The following ZNF831 variants were observed in gnomAD, a reference collection of about 807,000 sequenced individuals.
ZNF831 encodes chromosome 20 open reading frame 174.
Under a neutral mutation model 95.8 loss-of-function variants are expected in ZNF831, and 59 were observed. The ratio of observed to expected loss-of-function variants is 0.62; its 90% CI spans 0.50 to 0.77. ZNF831 has a LOEUF of 0.77. Among genes scored for constraint, ZNF831 ranks in the 30% least tolerant of loss-of-function variants. The pLI, the probability that ZNF831 is intolerant of heterozygous loss-of-function variation, is 0.00. For missense variants in ZNF831, 2,205 were observed against 2,164.0 expected (o/e 1.02, Z -0.38); for synonymous variants, 961 against 925.5 (o/e 1.04, Z -0.70).
At chr20:59,226,013 G>C (rs1986404976) in intron 4 of ZNF831, among the ~76,000 whole-genome samples, 1 of 152,172 alleles carries the variant, frequency 6.6e-6, no homozygotes, top group African/African-American at 2.4e-5. Flanking sequence ...CTAGGCACAT[G>C]GTGGCCTCAT....
chr20:59,237,159 G>T (rs1987042004), intron 4 of ZNF831, among the ~76,000 whole-genome samples: 1 of 152,184 alleles, frequency 6.6e-6, no homozygotes, highest in Non-Finnish European at 1.5e-5. Context: ...TTCCTAGTTA[G>T]GGGGCCATTT....
At chr20:59,154,991 G>A (rs1980456184) in intron 2 of ZNF831, among the ~76,000 whole-genome samples, 1 of 152,182 alleles carries the variant, frequency 6.6e-6, no homozygotes, top group African/African-American at 2.4e-5. Context: ...TCAGTCCCAT[G>A]ACGGCAAGGG....
intron 4 of ZNF831, among the ~76,000 whole-genome samples, chr20:59,229,495 A>T (rs1184724077): frequency 6.6e-6 from 1 of 152,220 alleles, no homozygotes; most frequent in African/African-American, 2.4e-5. Context: ...TGCATAGGGC[A>T]TGAATACGGG....
chr20:59,253,877 T>TTC, intron 5 of ZNF831, 21 bp from the exon 6 acceptor site: 2 of 979,646 alleles, frequency 2.0e-6, no homozygotes, highest in South Asian at 2.1e-5. Context: ...CACTTTTTTT[T>TTC]TCCTTTGCAC....
rs758152603 is a variant in ZNF831 at position 59,194,439 on chromosome 20, T to A, written c.3420T>A (p.Pro1140=). ...PGSFLTALTR[P]QGVPPGWPEL... is the part of the protein sequence containing the mutation. ...CCTTCCTCACTGCCCTCACTCGGCC[T>A]CAGGGTGTGCCCCCAGGCTGGCCAG... The change falls in exon 2 of 6, where the codon CCT becomes CCA. Residue 1140 remains proline (P), a synonymous_variant. Transcript: ENST00000371030. 1 of 1,612,884 alleles carries A rather than the reference T, an allele frequency of 6.2e-7. No homozygotes were observed. Among genetic ancestry groups the A allele is most frequent in the Non-Finnish European group, 8.5e-7 (1 of 1,179,690 alleles).
rs184433044 is a variant in ZNF831 at position 59,124,239 on chromosome 20, G to A, written c.-1425+734G>A. On this transcript the variant is annotated intron_variant, in intron 1 of 7. Transcript: ENST00000637017. ...TTGTGTTCTATGACTCTAGCCTCTA[G>A]GGTCATTCCTCAGGCCCCATTGCCA... is the stretch of plus-strand genomic sequence containing the variant. 4.4e-3 allele frequency among the ~76,000 whole-genome samples: 676 copies of A among 152,222 alleles called. 5 individuals are homozygous for A. The highest frequency in any genetic ancestry group is 7.5e-3 in the Non-Finnish European group (511 of 68,008).
chr20:59,186,951 A>G (rs1326117429), intron 1 of ZNF831, among the ~76,000 whole-genome samples: 1 of 152,038 alleles, frequency 6.6e-6, no homozygotes, highest in African/African-American at 2.4e-5. Flanking sequence ...TGAAAAAAAA[A>G]AAAAAGGACT....
intron 1 of ZNF831, among the ~76,000 whole-genome samples, chr20:59,171,596 G>A (rs1981743509): frequency 6.6e-6 from 1 of 152,204 alleles, no homozygotes; most frequent in Admixed American, 6.5e-5. Flanking sequence ...ATTCAGTCAA[G>A]CTCTCACTGA....
At chr20:59,151,068 A>C (rs80271186) in intron 2 of ZNF831, among the ~76,000 whole-genome samples, 13,936 of 152,228 alleles carry the variant, frequency 0.092, 750 homozygotes, top group Non-Finnish European at 0.12. Context: ...TACCGGGCTG[A>C]TAGCGGCTGG....
chr20:59,236,636 T>A, intron 4 of ZNF831, among the ~76,000 whole-genome samples: 1 of 150,844 alleles, frequency 6.6e-6, no homozygotes, highest in East Asian at 2.0e-4. Flanking sequence ...GCTCAAGTGA[T>A]CCCCCTTCCC....
At chr20:59,163,229 A>G (rs949273889), upstream of ZNF831, among the ~76,000 whole-genome samples, 1 of 152,204 alleles carries the variant, frequency 6.6e-6, no homozygotes, top group African/African-American at 2.4e-5. Context: ...ATAGAATCAT[A>G]TCATCAGTGA....
At chr20:59,194,784 C>CG in intron 2 of ZNF831, 27 bp downstream of exon 2, 1 of 1,528,648 alleles carries the variant, frequency 6.5e-7, no homozygotes, top group Non-Finnish European at 8.8e-7. Flanking sequence ...CCCCAGGGCC[C>CG]GGGGTTGAGA....
intron 1 of ZNF831, among the ~76,000 whole-genome samples, chr20:59,170,567 A>C (rs904550561): frequency 6.6e-6 from 1 of 152,200 alleles, no homozygotes; most frequent in Admixed American, 6.5e-5. Flanking sequence ...GTCTATCTTG[A>C]TGTAGCAGTC....
chr20:59,231,229 C>T (rs1330351148), intron 4 of ZNF831, among the ~76,000 whole-genome samples: 1 of 152,194 alleles, frequency 6.6e-6, no homozygotes, highest in Non-Finnish European at 1.5e-5. Flanking sequence ...TTCAGCAGAA[C>T]AACAATGTAC....
At position 59,192,565 on chromosome 20, in the gene ZNF831, TGGCTGGAGCCCAGGGAGCCCCG is replaced by T; in HGVS notation, c.1549_1570del (p.Leu517ThrfsTer10). 6.6e-7 allele frequency: 1 copy of T among 1,519,628 alleles called. No homozygotes were observed. Among genetic ancestry groups the T allele is most frequent in the Non-Finnish European group, 8.8e-7 (1 of 1,136,822 alleles). The allele number at this position is 1,519,628 out of a possible 1,614,324, so 94.1% of individuals were successfully genotyped here. ...GCCCTTCGTCGAGGGCTCCAGGACG[TGGCTGGAGCCCAGGGAGCCCCG>T]GGACCCCTGGTCCAGGACGCAGAAG... is the stretch of plus-strand genomic sequence containing the variant. On this transcript the variant is annotated frameshift_variant, in exon 2 of 6. Coordinates refer to ENST00000371030, the MANE Select transcript of ZNF831 (RefSeq NM_178457.3). LOFTEE classifies it high-confidence loss of function. This position sits in a 1 kb window ranked among gnomAD's most constrained non-coding sequence, Gnocchi z 5.2.
rs1372339752 is a variant in ZNF831 at position 59,252,979 on chromosome 20, T to G, written c.4029T>G (p.Gly1343=). ...GTAAATGTGCCTCTCCCCTTGCAGG[T>G]CTGAATCTGCAAGAGGAGCCATCTT... The part of the protein sequence containing the change: ...TPGQTSSEIA[G]LNLQEEPSCA... The change falls in exon 5 of 6, where the codon GGT becomes GGG. Residue 1343 remains glycine, a splice_region_variant and synonymous_variant. Coordinates refer to ENST00000371030, the MANE Select transcript of ZNF831 (RefSeq NM_178457.3). 1 of 1,613,518 alleles carries G rather than the reference T, an allele frequency of 6.2e-7. No individual in the cohort carries two copies. The highest frequency in any genetic ancestry group is 8.5e-7 in the Non-Finnish European group (1 of 1,179,764).
chr20:59,181,700 G>C (rs976571290), intron 1 of ZNF831, among the ~76,000 whole-genome samples: 3 of 151,776 alleles, frequency 2.0e-5, no homozygotes, highest in Non-Finnish European at 2.9e-5. Context: ...TTATTTCTGA[G>C]GTCTCTGTTC....
chr20:59,186,289 C>T (rs1983027560), intron 1 of ZNF831, among the ~76,000 whole-genome samples: 1 of 152,090 alleles, frequency 6.6e-6, no homozygotes, highest in African/African-American at 2.4e-5. Context: ...AGGAACCCAC[C>T]CCGAGACAGC....
chr20:59,181,780 A>G lies in ZNF831; in HGVS notation c.-36-9204A>G, dbSNP rs537924982. Among the ~76,000 whole-genome samples the G allele has an allele frequency of 4.2e-5, 5 of 118,036 alleles. 1 individual carries two copies. The highest frequency in any genetic ancestry group is 9.4e-5 in the Non-Finnish European group (5 of 53,034). The allele number at this position is 118,036 out of a possible 152,430, so 77.4% of individuals were successfully genotyped here. On this transcript the variant is annotated intron_variant, in intron 1 of 5. Coordinates refer to ENST00000371030, the MANE Select transcript of ZNF831 (RefSeq NM_178457.3). ...GTTTTGGTTACTGTAGCCTTGTAGT[A>G]TAGTTTTTCTCATTCTGTGAAGAAA...
Sources: allele counts gnomAD v4.1 joint callset (sites outside exome capture counted in the v4.1 genomes callset), GRCh38; gene constraint gnomAD v4.1.1; non-coding constraint Gnocchi (gnomAD v3.1); transcripts MANE v1.5; gene names NCBI Gene and HGNC (gene_info 2026-07-23, HGNC 2026-07-21).